BIRC6: variants seen among roughly 807,000 people sequenced by gnomAD.
BIRC6 encodes dual E2 ubiquitin-conjugating enzyme/E3 ubiquitin-protein ligase BIRC6.
A neutral mutation model predicts 503.3 loss-of-function variants in BIRC6; 98 were observed. That is an observed-to-expected ratio of 0.19 (90% CI 0.17 to 0.23). BIRC6 has a LOEUF of 0.23. BIRC6 is among the 10% of genes least tolerant of loss of function. The pLI is 1.00. For missense variants in BIRC6, 5,360 were observed against 5,806.0 expected, an observed-to-expected ratio of 0.92 and a Z score of 2.50; for synonymous variants, 2,240 against 2,078.7, an observed-to-expected ratio of 1.08 and a Z score of -2.11.
chr2:32,401,617 G>C lies in BIRC6; in HGVS notation c.1412G>C (p.Gly471Ala), dbSNP rs746057727. Residue 471 changes from glycine (G) to alanine (A), a missense_variant, in exon 8 of 74, where the codon GGA becomes GCA. Physicochemically the swap from Gly to Ala is moderately conservative, Grantham distance 60. Coordinates refer to ENST00000421745, the MANE Select transcript of BIRC6 (RefSeq NM_016252.4). ...SSCSDIPKLE[G>A]DSDDLLEDSD... ...TGCTCAGATATACCAAAATTGGAAG[G>C]AGATAGGTATGTGAGTTTGTTTTAG... 1 of 1,611,856 alleles carries C rather than the reference G, an allele frequency of 6.2e-7. No homozygotes were observed. Among genetic ancestry groups the C allele is most frequent in the Non-Finnish European group, 8.5e-7 (1 of 1,179,410 alleles).
In BIRC6 at chr2:32,531,563, T is replaced by C; in HGVS notation, c.12291+12T>C. The stretch of plus-strand genomic sequence containing the variant: ...AAGTAATTCAACAGGTAAGATAAGA[T>C]TTCCTAATCGAGTATATCATTCCAT... On this transcript the variant is annotated intron_variant, in intron 61 of 73. Coordinates refer to ENST00000421745, the MANE Select transcript of BIRC6 (RefSeq NM_016252.4). The C allele has an allele frequency of 2.5e-6, 4 of 1,595,600 alleles. No individual in the cohort carries two copies. The highest frequency in any genetic ancestry group is 3.4e-6 in the Non-Finnish European group (4 of 1,168,908).
At chr2:32,523,889 C>T (rs898545646) in intron 57 of BIRC6, among the ~76,000 whole-genome samples, 2 of 152,002 alleles carry the variant, frequency 1.3e-5, no homozygotes, top group Non-Finnish European at 2.9e-5. Context: ...CCTCGTCTCT[C>T]CTAAAAATAC....
At chr2:32,498,594 T>G (rs559510844) in intron 45 of BIRC6, among the ~76,000 whole-genome samples, 1 of 152,272 alleles carries the variant, frequency 6.6e-6, no homozygotes, top group African/African-American at 2.4e-5. Context: ...AGACAGTCTT[T>G]GTTTGTTTTT....
intron 62 of BIRC6, among the ~76,000 whole-genome samples, chr2:32,544,721 A>C (rs2057934105): frequency 1.3e-5 from 2 of 151,644 alleles, no homozygotes; most frequent in Non-Finnish European, 2.9e-5. Flanking sequence ...CAAATATTCA[A>C]AGTAAATATT....
In BIRC6 at chr2:32,518,674, C is replaced by T. The variant is rs2055325810; in HGVS notation, c.11494-143C>T. 3 of 1,067,702 alleles carry T rather than the reference C, an allele frequency of 2.8e-6. No homozygotes were observed. The Admixed American group carries it at 8.6e-5, about 31-fold the overall frequency. 66.1% of individuals were successfully genotyped at this position (1,067,702 alleles called of 1,614,324 possible). A position where few individuals can be genotyped will look rare whatever the true frequency, so the allele number is the denominator to read the frequency against. On this transcript the variant is annotated intron_variant, in intron 56 of 73. Coordinates refer to ENST00000421745, the MANE Select transcript of BIRC6 (RefSeq NM_016252.4). ...ATAATGCAAAAGTTGACCAACAAATCATGGCAACTATGCCATATCTAAATT... is the reference window on the plus strand; with the variant it reads ...ATAATGCAAAAGTTGACCAACAAATTATGGCAACTATGCCATATCTAAATT...
chr2:32,487,837 T>G, intron 41 of BIRC6, 36 bp downstream of exon 41: 1 of 1,542,980 alleles, frequency 6.5e-7, no homozygotes, highest in Non-Finnish European at 8.9e-7. Flanking sequence ...TTTTTACATA[T>G]TATTGTTAGC....
At chr2:32,385,045 T>G (rs1237736393) in intron 3 of BIRC6, among the ~76,000 whole-genome samples, 2 of 152,192 alleles carry the variant, frequency 1.3e-5, no homozygotes, top group Non-Finnish European at 2.9e-5. Flanking sequence ...GATCTTTACT[T>G]CTAGCCAACT....
chr2:32,384,494 CTA>C (rs2038159812), intron 3 of BIRC6, among the ~76,000 whole-genome samples: 1 of 151,524 alleles, frequency 6.6e-6, no homozygotes, highest in Non-Finnish European at 1.5e-5. Context: ...CGGCAGAAAA[CTA>C]TGGACAGAAC....
intron 10 of BIRC6, among the ~76,000 whole-genome samples, chr2:32,426,459 C>T (rs535971447): frequency 2.6e-5 from 4 of 152,236 alleles, no homozygotes; most frequent in South Asian, 2.1e-4. Context: ...AAAAATTAGC[C>T]GGGTGTGGTG....
At chr2:32,491,356 C>T (rs1184978214) in intron 43 of BIRC6, 69 bp from the exon 44 acceptor site, 3 of 1,401,348 alleles carry the variant, frequency 2.1e-6, no homozygotes, top group Middle Eastern at 1.9e-4. Flanking sequence ...CTAAAAGATG[C>T]TTTCAGATAC....
intron 32 of BIRC6, among the ~76,000 whole-genome samples, chr2:32,472,697 C>G (rs1423620221): frequency 6.6e-6 from 1 of 152,070 alleles, no homozygotes; most frequent in Non-Finnish European, 1.5e-5. Context: ...ACTATTTAAC[C>G]TTATTTTGGT....
In BIRC6 at chr2:32,362,031, A is replaced by G. The variant is rs75318957; in HGVS notation, c.325+4545A>G. On this transcript the variant is annotated intron_variant, in intron 1 of 73. Transcript: ENST00000421745. The stretch of plus-strand genomic sequence containing the variant: ...GTTTTTGTGTAGACATAAGTTTTCA[A>G]ATCATTTGGGTAAATACTAAGGAGC... 6.6e-3 allele frequency among the ~76,000 whole-genome samples: 1,007 copies of G among 152,284 alleles called. 11 individuals carry two copies. The highest frequency in any genetic ancestry group is 0.017 in the Middle Eastern group (5 of 294).
intron 56 of BIRC6, 114 bp downstream of exon 56, chr2:32,518,511 C>A: frequency 9.0e-7 from 1 of 1,105,974 alleles, no homozygotes; most frequent in Non-Finnish European, 1.3e-6. Context: ...GTGAAACTAG[C>A]ACAGCCTTTA....
intron 1 of BIRC6, among the ~76,000 whole-genome samples, chr2:32,368,061 A>G (rs1377503655): frequency 6.6e-6 from 1 of 152,234 alleles, no homozygotes; most frequent in Non-Finnish European, 1.5e-5. Context: ...GGGAGATGGC[A>G]CAGGGCAGTG....
intron 21 of BIRC6, among the ~76,000 whole-genome samples, chr2:32,447,378 G>C (rs1196106343): frequency 1.6e-4 from 25 of 151,552 alleles, no homozygotes; most frequent in African/African-American, 5.8e-4. Context: ...GGCCGGGCGG[G>C]GGGCTGATCC....
intron 3 of BIRC6, among the ~76,000 whole-genome samples, chr2:32,387,323 G>A (rs879389071): frequency 4.4e-5 from 5 of 112,914 alleles, no homozygotes; most frequent in African/African-American, 1.4e-4. Flanking sequence ...TTTTTTTTTA[G>A]CAATTCAAGT....
chr2:32,492,874 C>G (rs1237144110), intron 44 of BIRC6, among the ~76,000 whole-genome samples: 1 of 151,746 alleles, frequency 6.6e-6, no homozygotes, highest in Non-Finnish European at 1.5e-5. Context: ...CAGAACTACT[C>G]CAAGGTTTTA....
At chr2:32,485,205 T>C (rs1048688528) in intron 39 of BIRC6, among the ~76,000 whole-genome samples, 7 of 152,236 alleles carry the variant, frequency 4.6e-5, no homozygotes, top group African/African-American at 1.7e-4. Context: ...TGTTTGTGTG[T>C]GCGTGTGAAC....
intron 55 of BIRC6, among the ~76,000 whole-genome samples, chr2:32,517,320 C>G (rs561011726): frequency 7.9e-5 from 12 of 151,924 alleles, no homozygotes; most frequent in African/African-American, 2.9e-4. Context: ...CCATCCTGGG[C>G]GACAGAGCGA....
Sources: allele counts gnomAD v4.1 joint callset (sites outside exome capture counted in the v4.1 genomes callset), GRCh38; gene constraint gnomAD v4.1.1; transcripts MANE v1.5; gene names NCBI Gene and HGNC (gene_info 2026-07-23, HGNC 2026-07-21).